The following ZNF138 variants were observed in gnomAD, a reference collection of about 807,000 sequenced individuals.
ZNF138 encodes zinc finger protein 138 (clone pHZ-32).
ZNF138 carries 33 observed loss-of-function variants against 33.0 expected under a neutral mutation model. The ratio of observed to expected loss-of-function variants is 1.00; its 90% CI spans 0.76 to 1.34. The LOEUF (loss-of-function observed/expected upper bound fraction) is 1.34, where lower values mean the gene tolerates loss of function less well. Among genes scored for constraint, ZNF138 ranks in the 40% most tolerant of loss-of-function variants. ZNF138 has a pLI of 0.00. For synonymous variants in ZNF138, 139 were observed against 120.4 expected, an observed-to-expected ratio of 1.15 and a Z score of -1.01; for missense variants, 360 against 370.8, an observed-to-expected ratio of 0.97 and a Z score of 0.24.
chr7:64,853,388 C>T, the ZNF138 span: 1 of 1,193,180 alleles, frequency 8.4e-7, no homozygotes, highest in Admixed American at 2.2e-5. Flanking sequence ...ACAGCTCAGC[C>T]CCTCCCTTCC....
intron 3 of ZNF138, among the ~76,000 whole-genome samples, chr7:64,828,483 A>G (rs1251413255): frequency 2.0e-5 from 3 of 152,060 alleles, no homozygotes; most frequent in African/African-American, 2.4e-5. Flanking sequence ...ATTTATGCTT[A>G]TAGTTGTTAC....
At chr7:64,859,277 AT>A in the ZNF138 span, among the ~76,000 whole-genome samples, 1 of 152,254 alleles carries the variant, frequency 6.6e-6, no homozygotes, top group African/African-American at 2.4e-5. Flanking sequence ...AGAAAATTGT[AT>A]TTTATTAGTT....
the ZNF138 span, among the ~76,000 whole-genome samples, chr7:64,851,949 A>G: frequency 6.6e-6 from 1 of 152,222 alleles, no homozygotes; most frequent in Non-Finnish European, 1.5e-5. Flanking sequence ...GGATGCCGTC[A>G]TGTGCCACTG....
chr7:64,801,414 T>C (rs1313107959), intron 1 of ZNF138, among the ~76,000 whole-genome samples: 1 of 152,212 alleles, frequency 6.6e-6, no homozygotes, highest in East Asian at 1.9e-4. Context: ...AATATTATTA[T>C]ATACCCAAAA....
chr7:64,852,144 C>G, the ZNF138 span, among the ~76,000 whole-genome samples: 847 of 152,290 alleles, frequency 5.6e-3, 3 homozygotes, highest in Admixed American at 0.013. Flanking sequence ...CAAAATGTAT[C>G]AACAGTATTG....
At chr7:64,860,069 G>A in the ZNF138 span, among the ~76,000 whole-genome samples, 2 of 152,138 alleles carry the variant, frequency 1.3e-5, no homozygotes, top group African/African-American at 4.8e-5. Flanking sequence ...CTCGGGAGGC[G>A]GAGGTTGCAG....
At chr7:64,812,846 T>G (rs1465198436) in intron 1 of ZNF138, among the ~76,000 whole-genome samples, 2 of 51,460 alleles carry the variant, frequency 3.9e-5, no homozygotes, top group African/African-American at 6.4e-5. Context: ...GGGAAAAAAA[T>G]TGCCTTTTTT....
chr7:64,842,919 C>G, the ZNF138 span, among the ~76,000 whole-genome samples: 1 of 152,308 alleles, frequency 6.6e-6, no homozygotes, highest in African/African-American at 2.4e-5. Context: ...AAAACAATCT[C>G]TTGAACTTAT....
chr7:64,830,283 T>C (rs949636042), intron 3 of ZNF138, among the ~76,000 whole-genome samples: 1 of 152,184 alleles, frequency 6.6e-6, no homozygotes, highest in African/African-American at 2.4e-5. Context: ...GCCTTTTCAT[T>C]TTTACATCAT....
At chr7:64,841,519 T>G in the ZNF138 span, among the ~76,000 whole-genome samples, 1 of 152,214 alleles carries the variant, frequency 6.6e-6, no homozygotes, top group African/African-American at 2.4e-5. Context: ...AGGGAAAATA[T>G]CAATAGTGAA....
At chr7:64,822,165 C>T (rs1789216862) in intron 3 of ZNF138, among the ~76,000 whole-genome samples, 2 of 150,302 alleles carry the variant, frequency 1.3e-5, no homozygotes, top group Non-Finnish European at 1.5e-5. Flanking sequence ...AAGATCCACC[C>T]ACCTTGGCCT....
intron 3 of ZNF138, among the ~76,000 whole-genome samples, chr7:64,828,256 T>C (rs1789808075): frequency 6.6e-6 from 1 of 152,154 alleles, no homozygotes; most frequent in African/African-American, 2.4e-5. Flanking sequence ...TTTTTAAATA[T>C]TCAGTTTAGT....
In ZNF138 at chr7:64,816,364, T is replaced by C. The variant is rs181728831; in HGVS notation, c.208+711T>C. On this transcript the variant is annotated intron_variant, in intron 3 of 3. Coordinates refer to ENST00000307355, the MANE Select transcript of ZNF138 (RefSeq NM_001271639.2). ...AATATTTTTAAATTTATTTGTATCA[T>C]CTCATTTTTTTATTGATATGTTACA... 8.5e-3 allele frequency among the ~76,000 whole-genome samples: 1,293 copies of C among 152,142 alleles called. 28 individuals are homozygous for C. The highest frequency in any genetic ancestry group is 7.5e-3 in the Non-Finnish European group (510 of 67,966).
chr7:64,797,705 T>A (rs1170537124), intron 1 of ZNF138, among the ~76,000 whole-genome samples: 2 of 152,174 alleles, frequency 1.3e-5, no homozygotes, highest in Non-Finnish European at 2.9e-5. Context: ...ATACTCAGGA[T>A]GAAGTTGTTA....
intron 1 of ZNF138, among the ~76,000 whole-genome samples, chr7:64,807,883 T>C (rs564195957): frequency 7.1e-4 from 108 of 152,324 alleles, no homozygotes; most frequent in African/African-American, 2.5e-3. Context: ...TCACAAGGTA[T>C]CCACAGCCAT....
intron 1 of ZNF138, among the ~76,000 whole-genome samples, chr7:64,805,154 T>TTTGG (rs1787473506): frequency 6.6e-6 from 1 of 151,988 alleles, no homozygotes; most frequent in Non-Finnish European, 1.5e-5. Context: ...ATCCCAGCAC[T>TTTGG]TTGGGAGGCC....
Position 64,825,154 on chromosome 7 carries a change from C to CT in ZNF138, c.209-6261dup, listed in dbSNP as rs71061316. Among the ~76,000 whole-genome samples the CT allele has an allele frequency of 1.5e-3, 70 of 46,020 alleles. 23 individuals are homozygous for CT. Among genetic ancestry groups the CT allele is most frequent in the East Asian group, 5.1e-3 (6 of 1,182 alleles). The allele number at this position is 46,020 out of a possible 152,430, so 30.2% of individuals were successfully genotyped here. On this transcript the variant is annotated intron_variant, in intron 3 of 3. Coordinates refer to ENST00000307355, the MANE Select transcript of ZNF138 (RefSeq NM_001271639.2). Reference sequence around the variant, plus strand: ...TCTTGTAGGCCGCATGTTGTATGCTCTTTTTTTTTTTTTTTTTTTTTTTTT... The same window carrying CT: ...TCTTGTAGGCCGCATGTTGTATGCTCTTTTTTTTTTTTTTTTTTTTTTTTTT...
chr7:64,812,850 C>CTT (rs34197599), intron 1 of ZNF138, among the ~76,000 whole-genome samples: 2 of 142,072 alleles, frequency 1.4e-5, no homozygotes, highest in African/African-American at 2.6e-5. Flanking sequence ...AAAAAATTGC[C>CTT]TTTTTTTTTT....
chr7:64,818,842 A>T (rs544840556), intron 3 of ZNF138, among the ~76,000 whole-genome samples: 41 of 152,264 alleles, frequency 2.7e-4, no homozygotes, highest in African/African-American at 9.4e-4. Context: ...ACTGCCATAC[A>T]GTGGATGGCA....
Sources: gnomAD v4.1 joint callset for allele counts (sites outside exome capture counted in the v4.1 genomes callset) on GRCh38, gnomAD v4.1.1 for gene constraint, MANE v1.5 for transcripts, NCBI Gene and HGNC (gene_info 2026-07-23, HGNC 2026-07-21) for gene names.